TASP1: variants seen among roughly 807,000 people sequenced by gnomAD.
The protein encoded by TASP1 is taspase 1.
TASP1 carries 16 observed loss-of-function variants against 56.6 expected under a neutral mutation model. The ratio of observed to expected loss-of-function variants is 0.28; its 90% CI spans 0.19 to 0.43. TASP1 has a LOEUF of 0.43. TASP1 is among the 20% of genes least tolerant of loss of function. The pLI is 1.00. For missense variants in TASP1, 393 were observed against 511.6 expected (o/e 0.77, Z 2.24); for synonymous variants, 179 against 184.2 (o/e 0.97, Z 0.23).
chr20:13,334,079 G>A, the TASP1 span, among the ~76,000 whole-genome samples: 3 of 152,130 alleles, frequency 2.0e-5, no homozygotes, highest in Admixed American at 6.5e-5. Context: ...ACGTAAGGAT[G>A]GGGGAGGGAG....
chr20:13,202,062 C>G, the TASP1 span, among the ~76,000 whole-genome samples: 20 of 152,092 alleles, frequency 1.3e-4, no homozygotes, highest in Non-Finnish European at 2.4e-4. Context: ...AGATGGTAAA[C>G]TTTTTGAAGG....
At chr20:13,363,494 T>C in the TASP1 span, among the ~76,000 whole-genome samples, 5 of 152,196 alleles carry the variant, frequency 3.3e-5, no homozygotes, top group African/African-American at 1.2e-4. Context: ...CCCATAAACA[T>C]AAGTAAATTG....
intron 12 of TASP1, among the ~76,000 whole-genome samples, chr20:13,423,320 A>G (rs76444295): frequency 0.01 from 1,586 of 152,332 alleles, 15 homozygotes; most frequent in Non-Finnish European, 0.018. Context: ...GTCATTTACT[A>G]CACACATCTA....
the TASP1 span, among the ~76,000 whole-genome samples, chr20:13,115,865 A>C: frequency 2.6e-5 from 4 of 152,302 alleles, no homozygotes; most frequent in East Asian, 1.9e-4. Flanking sequence ...TTTGTATTGC[A>C]TATGAGGAAA....
chr20:13,521,763 C>T (rs943739332), intron 10 of TASP1, among the ~76,000 whole-genome samples: 11 of 150,464 alleles, frequency 7.3e-5, no homozygotes, highest in Non-Finnish European at 1.6e-4. Context: ...CACATGTACC[C>T]TAAAACTTAA....
At chr20:13,170,420 A>G in the TASP1 span, among the ~76,000 whole-genome samples, 2 of 152,200 alleles carry the variant, frequency 1.3e-5, no homozygotes, top group Admixed American at 1.3e-4. Flanking sequence ...TCCCATGCCA[A>G]TCTGGGTTTA....
At chr20:13,114,001 A>G in the TASP1 span, among the ~76,000 whole-genome samples, 3 of 152,352 alleles carry the variant, frequency 2.0e-5, no homozygotes, top group South Asian at 6.2e-4. Context: ...CGAGGCTTAG[A>G]TTACTTGCCC....
the TASP1 span, among the ~76,000 whole-genome samples, chr20:13,372,480 A>G: frequency 6.6e-6 from 1 of 151,732 alleles, no homozygotes; most frequent in African/African-American, 2.4e-5. Flanking sequence ...CCAAATCCTT[A>G]TTTTATATAT....
intron 10 of TASP1, among the ~76,000 whole-genome samples, chr20:13,487,598 A>G (rs546951201): frequency 1.2e-4 from 19 of 152,196 alleles, no homozygotes; most frequent in Middle Eastern, 3.4e-3. Flanking sequence ...AGCATGTCCC[A>G]TGCTCAAAGA....
chr20:13,348,277 A>G, the TASP1 span, among the ~76,000 whole-genome samples: 1 of 152,218 alleles, frequency 6.6e-6, no homozygotes, highest in African/African-American at 2.4e-5. Context: ...TTGCTTTACT[A>G]AAAAGGAAAA....
chr20:13,278,186 T>C, the TASP1 span, among the ~76,000 whole-genome samples: 1 of 152,334 alleles, frequency 6.6e-6, no homozygotes, highest in South Asian at 2.1e-4. Flanking sequence ...TTATGTTTTT[T>C]AAACAAGTCT....
chr20:13,589,971 C>T (rs2047460149), intron 4 of TASP1, among the ~76,000 whole-genome samples: 1 of 152,164 alleles, frequency 6.6e-6, no homozygotes, highest in Admixed American at 6.5e-5. Flanking sequence ...GTGGCTCACA[C>T]CTGTAATCCC....
chr20:13,335,020 G>A, the TASP1 span, among the ~76,000 whole-genome samples: 1 of 152,318 alleles, frequency 6.6e-6, no homozygotes, highest in East Asian at 1.9e-4. Context: ...AAATTGCTCA[G>A]TGCTTATAAG....
At chr20:13,399,496 C>T (rs953687990) in intron 13 of TASP1, among the ~76,000 whole-genome samples, 1 of 152,160 alleles carries the variant, frequency 6.6e-6, no homozygotes. Flanking sequence ...AATGGCAATT[C>T]TATTCTTCTG....
intron 12 of TASP1, among the ~76,000 whole-genome samples, chr20:13,424,892 T>C (rs571175945): frequency 3.3e-5 from 5 of 152,180 alleles, no homozygotes; most frequent in Admixed American, 6.5e-5. Flanking sequence ...TTTGGCACAA[T>C]TCTTCTCCAT....
intron 10 of TASP1, among the ~76,000 whole-genome samples, chr20:13,507,527 C>G (rs997107231): frequency 6.6e-6 from 1 of 151,574 alleles, no homozygotes; most frequent in African/African-American, 2.4e-5. Context: ...GAGACCCTGT[C>G]TCAAAAGAAA....
At chr20:13,442,200 T>C (rs1180653978) in intron 11 of TASP1, among the ~76,000 whole-genome samples, 1 of 151,906 alleles carries the variant, frequency 6.6e-6, no homozygotes, top group Non-Finnish European at 1.5e-5. Flanking sequence ...CTTTCTGGGG[T>C]AAAGGTATTT....
At chr20:13,539,823 G>T (rs1286892497) in intron 8 of TASP1, among the ~76,000 whole-genome samples, 4 of 152,084 alleles carry the variant, frequency 2.6e-5, no homozygotes, top group Admixed American at 2.6e-4. Flanking sequence ...CATTAAAGGT[G>T]GAAAAGGCAA....
At chr20:13,162,514 C>T in the TASP1 span, among the ~76,000 whole-genome samples, 5 of 152,114 alleles carry the variant, frequency 3.3e-5, no homozygotes, top group South Asian at 2.1e-4. Context: ...TGGAAAATGA[C>T]CCTGATGAAC....
Sources: gnomAD v4.1 joint callset for allele counts (sites outside exome capture counted in the v4.1 genomes callset) on GRCh38, gnomAD v4.1.1 for gene constraint, MANE v1.5 for transcripts, NCBI Gene and HGNC (gene_info 2026-07-23, HGNC 2026-07-21) for gene names.